Variants in ERICH1 observed in about 807,000 individuals in gnomAD.
ERICH1 encodes the protein glutamate rich 1, also known as glutamate-rich protein 1.
ERICH1 carries 56 observed loss-of-function variants against 39.6 expected under a neutral mutation model. The observed-to-expected ratio is 1.41, with a 90% CI of 1.14 to 1.77. The LOEUF is 1.77. ERICH1 is among the 40% of genes most tolerant of loss of function. The pLI, the probability that ERICH1 is intolerant of heterozygous loss-of-function variation, is 0.00. For synonymous variants in ERICH1, 313 were observed against 223.6 expected (o/e 1.40, Z -3.57); for missense variants, 826 against 575.4 (o/e 1.44, Z -4.45).
intron 3 of ERICH1, among the ~76,000 whole-genome samples, chr8:644,372 G>A (rs189103993): frequency 6.6e-6 from 1 of 152,348 alleles, no homozygotes; most frequent in East Asian, 1.9e-4. Context: ...TCTTGCTTGT[G>A]ACGCTGAAAA....
At chr8:686,721 G>A (rs1402729631) in intron 3 of ERICH1, 1 of 152,282 alleles carries the variant, frequency 6.6e-6, no homozygotes, top group Non-Finnish European at 1.5e-5. Flanking sequence ...CCCACTTGTG[G>A]GTAGGTAAAG....
At chr8:702,605 G>A (rs926279703) in intron 2 of ERICH1, among the ~76,000 whole-genome samples, 2 of 152,226 alleles carry the variant, frequency 1.3e-5, no homozygotes, top group Non-Finnish European at 2.9e-5. Flanking sequence ...AGCTAAACAT[G>A]AAAGAGGCCG....
chr8:624,819 C>T (rs529821473), intron 3 of ERICH1, among the ~76,000 whole-genome samples: 5 of 152,200 alleles, frequency 3.3e-5, no homozygotes, highest in East Asian at 1.9e-4. Context: ...CTCTGCCTCC[C>T]GGGTTCACGC....
intron 5 of ERICH1, chr8:667,349 C>T (rs77344152): frequency 0.017 from 2,589 of 153,800 alleles, 32 homozygotes; most frequent in Middle Eastern, 0.039. Context: ...CCGGGCTCCT[C>T]GCAGTTCCCA....
In ERICH1 at chr8:668,649, T is replaced by G. The variant is rs764305855; in HGVS notation, c.1207A>C (p.Arg403=). The G allele has an allele frequency of 6.2e-7, 1 of 1,614,062 alleles. No homozygotes were observed. The highest frequency in any genetic ancestry group is 8.5e-7 in the Non-Finnish European group (1 of 1,180,048). ...AACATTTCCAGAGCATGCTTCAATC[T>G]CTCAGTATCTTGCAGGAGCAGCAGC... ...KTLLLLQDTE[R]LKHALEMFPE... The change falls in exon 5 of 6, where the codon AGA becomes CGA. Residue 403 remains arginine, a synonymous_variant. Transcript: ENST00000262109.
chr8:640,583 C>A (rs893701308), intron 3 of ERICH1: 1 of 152,182 alleles, frequency 6.6e-6, no homozygotes, highest in Admixed American at 6.5e-5. Flanking sequence ...TGAGGCTAAC[C>A]TCAAGCTGCA....
Position 717,098 on chromosome 8 carries a change from G to A in ERICH1, c.23-1091C>T, listed in dbSNP as rs2132358429. Among the ~76,000 whole-genome samples the A allele has an allele frequency of 1.3e-5, 2 of 152,288 alleles. 1 individual carries two copies. Among genetic ancestry groups the A allele is most frequent in the South Asian group, 4.1e-4 (2 of 4,824 alleles). ...TGAGGTGCAGTGTGGTCATGAACAA[G>A]GTGGCTGCTCACTCAGACTCTCCAC... On this transcript the variant is annotated intron_variant, in intron 1 of 5. Transcript: ENST00000262109.
chr8:717,250 G>A (rs1380333507), intron 1 of ERICH1, among the ~76,000 whole-genome samples: 3 of 152,170 alleles, frequency 2.0e-5, no homozygotes, highest in Non-Finnish European at 2.9e-5. Flanking sequence ...CCAGGTCCTG[G>A]CAATGAGAGG....
intron 1 of ERICH1, among the ~76,000 whole-genome samples, chr8:727,800 G>C (rs538128781): frequency 3.3e-5 from 5 of 152,288 alleles, no homozygotes; most frequent in African/African-American, 1.2e-4. Context: ...CGAGCGGCTG[G>C]CACCACTGGA....
At chr8:621,966 G>A (rs1406565274) in intron 3 of ERICH1, among the ~76,000 whole-genome samples, 2 of 152,218 alleles carry the variant, frequency 1.3e-5, no homozygotes, top group African/African-American at 4.8e-5. Context: ...TGTAATCCCA[G>A]CACGTTGGGA....
At chr8:620,872 T>C (rs891863404) in intron 3 of ERICH1, among the ~76,000 whole-genome samples, 11 of 151,996 alleles carry the variant, frequency 7.2e-5, no homozygotes, top group African/African-American at 2.7e-4. Context: ...ATTTATAGAA[T>C]GAATAGGCAG....
chr8:684,028 A>G lies in ERICH1; in HGVS notation c.304+8450T>C, dbSNP rs148939244. 1.2e-3 allele frequency among the ~76,000 whole-genome samples: 186 copies of G among 152,368 alleles called. 1 individual carries two copies. The highest frequency in any genetic ancestry group is 3.6e-3 in the African/African-American group (149 of 41,594). On this transcript the variant is annotated intron_variant, in intron 3 of 5. Transcript: ENST00000262109. ...TTCATGTTTACATGTTTGAGTCTTA[A>G]AAACTGACTTAGTGGAAAAGTAGTT...
chr8:643,704 C>T (rs557286751), intron 3 of ERICH1, among the ~76,000 whole-genome samples: 5 of 152,316 alleles, frequency 3.3e-5, no homozygotes, highest in South Asian at 4.1e-4. Flanking sequence ...GAGCCATCCG[C>T]GACTTCGGGA....
intron 3 of ERICH1, among the ~76,000 whole-genome samples, chr8:658,333 G>A (rs1208626911): frequency 6.6e-6 from 1 of 152,170 alleles, no homozygotes; most frequent in East Asian, 1.9e-4. Flanking sequence ...TGGGCCTCCC[G>A]GGAGGTGGGT....
rs1804422831 is a variant in ERICH1, at chr8:675,142, A to ACGCGGCGGCCCCTCGTGAGGACAGAGG, written c.305-1096_305-1095insCCTCTGTCCTCACGAGGGGCCGCCGCG. Among the ~76,000 whole-genome samples the ACGCGGCGGCCCCTCGTGAGGACAGAGG allele has an allele frequency of 9.8e-5, 11 of 112,760 alleles. 5 individuals carry two copies. Among genetic ancestry groups the ACGCGGCGGCCCCTCGTGAGGACAGAGG allele is most frequent in the African/African-American group, 2.3e-4 (7 of 30,674 alleles). 74.0% of individuals were successfully genotyped at this position (112,760 alleles called of 152,430 possible). ...TGGCGGCCCCTCGGCGAGGACAGAG[A>ACGCGGCGGCCCCTCGTGAGGACAGAGG]CGCGGCGGCCCCTCGTGAGGACAGA... On this transcript the variant is annotated intron_variant, in intron 3 of 5. Transcript: ENST00000262109.
rs1390136262 is a variant in ERICH1 at position 664,643 on chromosome 8, T to C, written c.1292A>G (p.Tyr431Cys). 1 of 1,612,866 alleles carries C rather than the reference T, an allele frequency of 6.2e-7. No homozygotes were observed. The highest frequency in any genetic ancestry group is 8.5e-7 in the Non-Finnish European group (1 of 1,179,722). ...CTCAGGAAGGATATGTGTGATCCAG[T>C]AACTAAAGAAAGCTGAGATTACTCT... The part of the protein sequence containing the change: ...HARVISAFFS[Y>C]WITHILPEKS... The change falls in exon 6 of 6, where the codon TAC becomes TGC. Residue 431 changes from tyrosine (Y) to cysteine (C), a missense_variant. Physicochemically the swap from Tyr to Cys is radical, Grantham distance 194. Coordinates refer to ENST00000262109, the MANE Select transcript of ERICH1 (RefSeq NM_207332.3).
intron 1 of ERICH1, among the ~76,000 whole-genome samples, chr8:718,667 C>T (rs1422122791): frequency 6.6e-6 from 1 of 152,180 alleles, no homozygotes; most frequent in African/African-American, 2.4e-5. Context: ...TCACAAGCTC[C>T]GCCTTCTGTA....
At chr8:668,285 G>A (rs1802589391) in intron 5 of ERICH1, 1 of 390,452 alleles carries the variant, frequency 2.6e-6, no homozygotes, top group South Asian at 2.5e-5. Flanking sequence ...CACAGCAGTA[G>A]AGGAGAAGGA....
At chr8:700,856 C>A (rs183443096) in intron 2 of ERICH1, among the ~76,000 whole-genome samples, 1 of 152,340 alleles carries the variant, frequency 6.6e-6, no homozygotes, top group Admixed American at 6.5e-5. Flanking sequence ...AGGAAAAACT[C>A]TCCTGAAAAA....
Sources: gnomAD v4.1 joint callset for allele counts (sites outside exome capture counted in the v4.1 genomes callset) on GRCh38, gnomAD v4.1.1 for gene constraint, MANE v1.5 for transcripts, NCBI Gene and HGNC (gene_info 2026-07-23, HGNC 2026-07-21) for gene names.